The following MYO1G variants were observed in gnomAD, a reference collection of about 807,000 sequenced individuals.
MYO1G encodes myosin IG, also known as unconventional myosin-Ig.
In MYO1G, 65 loss-of-function variants were observed where a neutral mutation model predicts 115.3. The ratio of observed to expected loss-of-function variants is 0.56; its 90% CI spans 0.46 to 0.69. The LOEUF is 0.69. MYO1G is among the 30% of genes least tolerant of loss of function. The pLI, the probability that MYO1G is intolerant of heterozygous loss-of-function variation, is 0.00. For synonymous variants in MYO1G, 510 were observed against 552.6 expected (o/e 0.92, Z 1.08); for missense variants, 1,204 against 1,393.5 (o/e 0.86, Z 2.16).
chr7:44,970,286 C>T (rs989786904), intron 9 of MYO1G, 132 bp from the exon 10 acceptor site: 8 of 747,038 alleles, frequency 1.1e-5, no homozygotes, highest in African/African-American at 3.4e-5. Flanking sequence ...TGTGGCTTCC[C>T]TGTGGCTTAT....
At chr7:44,975,372 G>C in intron 4 of MYO1G, 112 bp downstream of exon 4, 4 of 1,516,102 alleles carry the variant, frequency 2.6e-6, no homozygotes, top group Non-Finnish European at 3.6e-6. Context: ...GGGCCACAGG[G>C]AGAGACAGCC....
rs1583783603 is a variant in MYO1G, at chr7:44,964,585, A to G, written c.2527-66T>C. ...AGTCATGGGACCAGACTCAATTGATAGCAGCTGTCTGTGAATCAGCATAGC... is the reference window on the plus strand; with the variant it reads ...AGTCATGGGACCAGACTCAATTGATGGCAGCTGTCTGTGAATCAGCATAGC... On this transcript the variant is annotated intron_variant, in intron 18 of 21. Coordinates refer to ENST00000258787, the MANE Select transcript of MYO1G (RefSeq NM_033054.3). This position sits in a 1 kb window ranked among gnomAD's most constrained non-coding sequence, Gnocchi z 5.1. 2.4e-6 allele frequency: 3 copies of G among 1,265,478 alleles called. No individual in the cohort carries two copies. The highest frequency in any genetic ancestry group is 2.3e-5 in the East Asian group (1 of 42,782). The allele number at this position is 1,265,478 out of a possible 1,614,324, so 78.4% of individuals were successfully genotyped here. A position where few individuals can be genotyped will look rare whatever the true frequency, so the allele number is the denominator to read the frequency against.
Position 44,963,182 on chromosome 7 carries a change from G to C in MYO1G, c.2746-58C>G. The C allele has an allele frequency of 7.2e-7, 1 of 1,382,750 alleles. No homozygotes were observed. The highest frequency in any genetic ancestry group is 9.3e-7 in the Non-Finnish European group (1 of 1,073,954). 85.7% of individuals were successfully genotyped at this position (1,382,750 alleles called of 1,614,324 possible). On this transcript the variant is annotated intron_variant, in intron 20 of 21. Transcript: ENST00000258787. The surrounding 1 kb of genome is among the most constrained non-coding windows in gnomAD (Gnocchi z 4.1). The stretch of plus-strand genomic sequence containing the variant: ...CTCAACCCGCACCCCAGCCTAGCCG[G>C]ACTCACCCCCTCCCCAGGAAGCCTC...
intron 7 of MYO1G, among the ~76,000 whole-genome samples, chr7:44,971,430 T>C (rs1794956047): frequency 6.6e-6 from 1 of 152,242 alleles, no homozygotes; most frequent in Non-Finnish European, 1.5e-5. Flanking sequence ...ATGACTGCAC[T>C]AAGAGGCAGT....
At position 44,966,297 on chromosome 7, in the gene MYO1G, G is replaced by T; in HGVS notation, c.1950-17C>A. On this transcript the variant is annotated splice_polypyrimidine_tract_variant and intron_variant, in intron 15 of 21. Transcript: ENST00000258787. The surrounding 1 kb of genome is among the most constrained non-coding windows in gnomAD (Gnocchi z 5.0). ...ATCTTGTACCTGTCACCACAGGACA[G>T]GGCAGTGTGGCCCAGGCCTGGGGGA... 1 of 1,581,274 alleles carries T rather than the reference G, an allele frequency of 6.3e-7. No homozygotes were observed. The highest frequency in any genetic ancestry group is 1.1e-5 in the South Asian group (1 of 87,976).
intron 16 of MYO1G, 32 bp from the exon 17 acceptor site, chr7:44,965,892 T>C (rs1215701620): frequency 6.3e-7 from 1 of 1,590,128 alleles, no homozygotes; most frequent in Admixed American, 1.7e-5. Flanking sequence ...GGATACGCAG[T>C]CAAATTCAAT....
At position 44,976,584 on chromosome 7, in the gene MYO1G, G is replaced by A. The variant is rs755315322; in HGVS notation, c.378C>T (p.Ser126=). The change falls in exon 3 of 22, where the codon AGC becomes AGT. Residue 126 remains serine, a synonymous_variant. Coordinates refer to ENST00000258787, the MANE Select transcript of MYO1G (RefSeq NM_033054.3). ...CTCACCTCTCCACCTCAGCCCTCTG[G>A]CTTGGATTGGTGACAGCAGCGATGT... ...MQYIAAVTNP[S]QRAEVERVKD... is the part of the protein sequence containing the mutation. 6 of 1,614,098 alleles carry A rather than the reference G, an allele frequency of 3.7e-6. No individual in the cohort carries two copies. In the Admixed American group the frequency reaches 6.7e-5, roughly 18 times the overall value.
In MYO1G at chr7:44,971,076, C is replaced by T; in HGVS notation, c.847-17G>A. 1 of 1,598,928 alleles carries T rather than the reference C, an allele frequency of 6.3e-7. No homozygotes were observed. The highest frequency in any genetic ancestry group is 2.2e-5 in the East Asian group (1 of 44,474). ...GATGTTTCCCTGGTGATGGGAAAAC[C>T]ATGAACAGTCCGGGCTCCATGTCTC... On this transcript the variant is annotated splice_polypyrimidine_tract_variant and intron_variant, in intron 7 of 21. Coordinates refer to ENST00000258787, the MANE Select transcript of MYO1G (RefSeq NM_033054.3).
chr7:44,969,086 A>C lies in MYO1G; in HGVS notation c.1574+327T>G, dbSNP rs1583788691. On this transcript the variant is annotated intron_variant, in intron 12 of 21. Transcript: ENST00000258787. The surrounding 1 kb of genome is among the most constrained non-coding windows in gnomAD (Gnocchi z 5.0). ...GAATCTTGGCCCCCCTGCACCTTCC[A>C]CTCCCTCCCCACCCCCACATCACCA... The C allele has an allele frequency of 4.0e-5, 11 of 275,638 alleles. No individual in the cohort carries two copies. The highest frequency in any genetic ancestry group is 7.8e-5 in the South Asian group (2 of 25,772). The allele number at this position is 275,638 out of a possible 1,614,324, so 17.1% of individuals were successfully genotyped here.
rs865914185 is a variant in MYO1G at position 44,962,840 on chromosome 7, C to A, written c.2956G>T (p.Gly986Trp). The A allele has an allele frequency of 1.3e-6, 2 of 1,512,718 alleles. No individual in the cohort carries two copies. The highest frequency in any genetic ancestry group is 1.8e-6 in the Non-Finnish European group (2 of 1,134,670). The allele number at this position is 1,512,718 out of a possible 1,614,324, so 93.7% of individuals were successfully genotyped here. Residue 986 changes from glycine to tryptophan, a missense_variant, in exon 22 of 22, where the codon GGG becomes TGG. Transcript: ENST00000258787. This position sits in a 1 kb window ranked among gnomAD's most constrained non-coding sequence, Gnocchi z 5.3. ...VSDCIPLSHRGVRRLISVEPR... is the reference protein window; with the variant it reads ...VSDCIPLSHRWVRRLISVEPR... ...TCCACGGAGATGAGGCGCCGGACCC[C>A]GCGATGGCTTAGTGGGATGCAGTCG...
At chr7:44,965,132 C>T in intron 17 of MYO1G, 43 bp from the exon 18 acceptor site, 2 of 1,573,220 alleles carry the variant, frequency 1.3e-6, no homozygotes, top group Non-Finnish European at 1.7e-6. Flanking sequence ...GCCATGTGTT[C>T]ATGTGCTCCC....
In MYO1G at chr7:44,966,210, G is replaced by C; in HGVS notation, c.2020C>G (p.Leu674Val). The C allele has an allele frequency of 6.2e-7, 1 of 1,612,624 alleles. No individual in the cohort carries two copies. Among genetic ancestry groups the C allele is most frequent in the Non-Finnish European group, 8.5e-7 (1 of 1,179,882 alleles). Residue 674 changes from leucine (L) to valine (V), a missense_variant, in exon 16 of 22, where the codon CTC (leucine) becomes GTC (valine). Coordinates refer to ENST00000258787, the MANE Select transcript of MYO1G (RefSeq NM_033054.3). This position sits in a 1 kb window ranked among gnomAD's most constrained non-coding sequence, Gnocchi z 5.0. Reference sequence around the variant, plus strand: ...CCCTGCAGCCCGTGCTGCTCCAGGAGAGCGCTCACGGCTGCCTTGTCGGAG... The same window carrying C: ...CCCTGCAGCCCGTGCTGCTCCAGGACAGCGCTCACGGCTGCCTTGTCGGAG... ...LGSDKAAVSA[L>V]LEQHGLQGDV...
chr7:44,975,138 C>T (rs376040384), intron 5 of MYO1G, 36 bp downstream of exon 5: 50 of 1,610,298 alleles, frequency 3.1e-5, no homozygotes, highest in African/African-American at 4.0e-5. Flanking sequence ...CTTTCCCCAC[C>T]CCATTTTTCC....
chr7:44,971,820 C>T, intron 6 of MYO1G, 31 bp from the exon 7 acceptor site: 2 of 1,479,470 alleles, frequency 1.4e-6, no homozygotes, highest in Non-Finnish European at 1.8e-6. Flanking sequence ...CACTCCAAAG[C>T]CACACTGGGC....
In MYO1G at chr7:44,970,718, A is replaced by G. The variant is rs1324315404; in HGVS notation, c.1091T>C (p.Phe364Ser). ...GTTGATCCTGTTCACCACCCACTCA[A>G]ACAGCCGCTGGTACACTGCCTGGGG... is the stretch of plus-strand genomic sequence containing the variant. ...ACAKAVYQRL[F>S]EWVVNRINSV... Residue 364 changes from phenylalanine (F) to serine (S), a missense_variant, in exon 9 of 22, where the codon TTT becomes TCT. Phe to Ser is a radical substitution (Grantham distance 155). Coordinates refer to ENST00000258787, the MANE Select transcript of MYO1G (RefSeq NM_033054.3). The G allele has an allele frequency of 6.2e-7, 1 of 1,613,842 alleles. No individual in the cohort carries two copies. Among genetic ancestry groups the G allele is most frequent in the Non-Finnish European group, 8.5e-7 (1 of 1,179,998 alleles).
rs1794961277 is a variant in MYO1G at position 44,971,702 on chromosome 7, GCA to G, written c.815_816del (p.Val272AlafsTer41). The G allele has an allele frequency of 6.4e-7, 1 of 1,557,996 alleles. No homozygotes were observed. Among genetic ancestry groups the G allele is most frequent in the Non-Finnish European group, 8.7e-7 (1 of 1,150,574 alleles). The part of the protein sequence containing the change: ...IGFSPEEVES[V>X]HRILAAILHL... ...TGCAATATGGCAGCCAGGATGCGATGCACAGACTCCACCTCTTCAGGACTGAA... is the reference window on the plus strand; with the variant it reads ...TGCAATATGGCAGCCAGGATGCGATGCAGACTCCACCTCTTCAGGACTGAA... On this transcript the variant is annotated frameshift_variant, in exon 7 of 22. Transcript: ENST00000258787. LOFTEE classifies it high-confidence loss of function.
rs1010480836 is a variant in MYO1G at position 44,968,030 on chromosome 7, G to A, written c.1575-72C>T. ...GGCCAGAGTGCTAATGACCCCAGCA[G>A]CCCCCACTCTCTTCCCATCTGCCTC... On this transcript the variant is annotated intron_variant, in intron 12 of 21. Coordinates refer to ENST00000258787, the MANE Select transcript of MYO1G (RefSeq NM_033054.3). The A allele has an allele frequency of 9.1e-5, 115 of 1,269,512 alleles. No individual in the cohort carries two copies. The Admixed American group carries it at 2.0e-3, about 22-fold the overall frequency. 78.6% of individuals were successfully genotyped at this position (1,269,512 alleles called of 1,614,324 possible). A position where few individuals can be genotyped will look rare whatever the true frequency, so the allele number is the denominator to read the frequency against.
Position 44,969,208 on chromosome 7 carries a change from G to T in MYO1G, c.1574+205C>A, listed in dbSNP as rs567190868. On this transcript the variant is annotated intron_variant, in intron 12 of 21. Transcript: ENST00000258787. The surrounding 1 kb of genome is among the most constrained non-coding windows in gnomAD (Gnocchi z 5.0). ...AGGCTCCCAGAAGAATGCAGCCATG[G>T]TTAACCACTATCCTCAAACCCTGTT... is the stretch of plus-strand genomic sequence containing the variant. 8.0e-5 allele frequency: 48 copies of T among 596,646 alleles called. 1 individual carries two copies. The South Asian group carries it at 8.4e-4, about 10-fold the overall frequency. 37.0% of individuals were successfully genotyped at this position (596,646 alleles called of 1,614,324 possible).
At chr7:44,970,296 T>C in intron 9 of MYO1G, 142 bp from the exon 10 acceptor site, 1 of 720,566 alleles carries the variant, frequency 1.4e-6, no homozygotes. Context: ...CTGTGGCTTA[T>C]GCATCCCTGC....
Sources: gnomAD v4.1 joint callset for allele counts (sites outside exome capture counted in the v4.1 genomes callset) on GRCh38, gnomAD v4.1.1 for gene constraint, Gnocchi (gnomAD v3.1) non-coding constraint, MANE v1.5 for transcripts, NCBI Gene and HGNC (gene_info 2026-07-23, HGNC 2026-07-21) for gene names.